Variants in GLB1 observed in about 807,000 individuals in gnomAD.
GLB1 encodes the protein galactosidase beta 1.
GLB1 carries 56 observed loss-of-function variants against 74.0 expected under a neutral mutation model. The observed-to-expected ratio is 0.76, with a 90% CI of 0.61 to 0.94. The LOEUF (loss-of-function observed/expected upper bound fraction) is 0.94, where lower values mean the gene tolerates loss of function less well. Ranked by LOEUF, GLB1 falls within the 40% of genes least tolerant of loss-of-function variation. The pLI is 0.00. For missense variants in GLB1, 787 were observed against 845.5 expected (o/e 0.93, Z 0.86); for synonymous variants, 323 against 323.6 (o/e 1.00, Z 0.02).
chr3:33,060,266 C>T (rs1395078337), intron 5 of GLB1, among the ~76,000 whole-genome samples: 1 of 152,128 alleles, frequency 6.6e-6, no homozygotes, highest in African/African-American at 2.4e-5. Context: ...GCACGCATGC[C>T]CAGGACAGAG....
At chr3:33,031,500 C>T (rs1418219267) in intron 10 of GLB1, among the ~76,000 whole-genome samples, 1 of 148,802 alleles carries the variant, frequency 6.7e-6, no homozygotes, top group African/African-American at 2.5e-5. Flanking sequence ...AAAAATTAGC[C>T]ACGTGCATTG....
intron 1 of GLB1, 139 bp downstream of exon 1, chr3:33,096,872 G>C (rs374536954): frequency 1.1e-5 from 15 of 1,427,526 alleles, no homozygotes; most frequent in South Asian, 4.4e-5. Flanking sequence ...GCGTTCCGCC[G>C]GCCGCGAGCC....
At chr3:33,001,808 C>T (rs1038067350) in intron 15 of GLB1, among the ~76,000 whole-genome samples, 2 of 152,162 alleles carry the variant, frequency 1.3e-5, no homozygotes, top group Non-Finnish European at 2.9e-5. Context: ...GAATTCTTCA[C>T]GTTCCTCTGC....
intron 1 of GLB1, chr3:33,091,399 G>A: frequency 4.1e-6 from 4 of 985,508 alleles, no homozygotes; most frequent in Non-Finnish European, 4.8e-6. Context: ...CAAACCCCTA[G>A]CAGTTGCTGC....
At chr3:33,012,748 G>A (rs1452860194) in intron 15 of GLB1, among the ~76,000 whole-genome samples, 1 of 152,040 alleles carries the variant, frequency 6.6e-6, no homozygotes, top group Non-Finnish European at 1.5e-5. Context: ...ATTCTGCCCA[G>A]CTGCAAGCTT....
At chr3:33,037,188 G>A (rs1216590847) in intron 10 of GLB1, among the ~76,000 whole-genome samples, 1 of 151,942 alleles carries the variant, frequency 6.6e-6, no homozygotes, top group African/African-American at 2.4e-5. Flanking sequence ...TGGAATTACA[G>A]GTGTGCGCCA....
intron 1 of GLB1, 145 bp from the exon 2 acceptor site, chr3:33,072,858 C>T: frequency 7.4e-7 from 1 of 1,353,020 alleles, no homozygotes; most frequent in Non-Finnish European, 1.0e-6. Flanking sequence ...AGCTATCATA[C>T]AAACCATTGC....
chr3:32,997,812 C>A (rs963007045), intron 15 of GLB1, among the ~76,000 whole-genome samples: 9 of 152,188 alleles, frequency 5.9e-5, no homozygotes, highest in Admixed American at 3.9e-4. Flanking sequence ...TCTCCTTTCC[C>A]AGAGGCAGGT....
intron 2 of GLB1, 66 bp downstream of exon 2, chr3:33,072,478 C>T: frequency 8.1e-6 from 13 of 1,605,420 alleles, no homozygotes; most frequent in Non-Finnish European, 1.1e-5. Flanking sequence ...CTGAGAAATA[C>T]AGTTGTATCT....
chr3:33,081,946 T>A (rs990992276), intron 1 of GLB1, among the ~76,000 whole-genome samples: 19 of 152,330 alleles, frequency 1.2e-4, no homozygotes, highest in Middle Eastern at 3.4e-3. Flanking sequence ...TTTGAGCCAG[T>A]TCTCTAACAT....
chr3:33,068,017 C>CT (rs1699754298), intron 4 of GLB1, among the ~76,000 whole-genome samples: 1 of 152,106 alleles, frequency 6.6e-6, no homozygotes, highest in East Asian at 1.9e-4. Context: ...TCCTGAGTAG[C>CT]TGGGATTACA....
At chr3:32,972,819 C>T in the GLB1 span, among the ~76,000 whole-genome samples, 4,849 of 152,242 alleles carry the variant, frequency 0.032, 110 homozygotes, top group Non-Finnish European at 0.051. Context: ...AAACCCAATT[C>T]CCCCTAAGAA....
At chr3:33,003,281 A>G (rs1196139634) in intron 15 of GLB1, among the ~76,000 whole-genome samples, 1 of 152,240 alleles carries the variant, frequency 6.6e-6, no homozygotes, top group East Asian at 1.9e-4. Flanking sequence ...CAGTTCCACC[A>G]TAGCTAGACC....
the GLB1 span, among the ~76,000 whole-genome samples, chr3:32,980,121 A>G: frequency 6.6e-6 from 1 of 152,208 alleles, no homozygotes; most frequent in East Asian, 1.9e-4. Flanking sequence ...ATTATTGTTA[A>G]CTATAGTCAA....
At chr3:33,081,809 G>A (rs1295941683) in intron 1 of GLB1, among the ~76,000 whole-genome samples, 6 of 152,226 alleles carry the variant, frequency 3.9e-5, no homozygotes, top group East Asian at 1.9e-4. Flanking sequence ...TAAGCCACAC[G>A]TTTCTGTGGG....
At chr3:33,090,962 T>A (rs1700734211) in intron 1 of GLB1, 2 of 985,134 alleles carry the variant, frequency 2.0e-6, no homozygotes, top group Non-Finnish European at 2.4e-6. Flanking sequence ...GCTAATTTCA[T>A]CAAGCCCAGG....
intron 10 of GLB1, among the ~76,000 whole-genome samples, chr3:33,031,611 CAAAAAAAAAAA>C (rs1255172812): frequency 9.1e-5 from 2 of 22,058 alleles, no homozygotes; most frequent in African/African-American, 4.3e-4. Context: ...GGCTCTGTCT[CAAAAAAAAAAA>C]AAAAAAAAAA....
At chr3:33,028,298 A>G (rs1697857555) in intron 10 of GLB1, among the ~76,000 whole-genome samples, 1 of 152,134 alleles carries the variant, frequency 6.6e-6, no homozygotes, top group South Asian at 2.1e-4. Flanking sequence ...TTTCTTTAAC[A>G]CATGAGAGTA....
intron 5 of GLB1, among the ~76,000 whole-genome samples, chr3:33,062,227 G>T (rs936261531): frequency 2.0e-5 from 3 of 152,172 alleles, no homozygotes; most frequent in Admixed American, 2.0e-4. Context: ...GCAGTGAGTG[G>T]TGTGATCACG....
Sources: gnomAD v4.1 joint callset for allele counts (sites outside exome capture counted in the v4.1 genomes callset) on GRCh38, gnomAD v4.1.1 for gene constraint, MANE v1.5 for transcripts, NCBI Gene and HGNC (gene_info 2026-07-23, HGNC 2026-07-21) for gene names.